APBB1IP: variants seen among roughly 807,000 people sequenced by gnomAD.
APBB1IP encodes amyloid beta A4 precursor protein-binding family B member 1-interacting protein.
Under a neutral mutation model 64.9 loss-of-function variants are expected in APBB1IP, and 27 were observed. The observed-to-expected ratio is 0.42, with a 90% confidence interval of 0.31 to 0.57. The LOEUF is 0.57. Ranked by LOEUF, APBB1IP falls within the 20% of genes least tolerant of loss-of-function variation. The probability of loss-of-function intolerance (pLI) is 0.20; values close to 1 mark genes in which losing one functional copy is unlikely to be tolerated. For missense variants in APBB1IP, 812 were observed against 845.5 expected, an observed-to-expected ratio of 0.96 and a Z score of 0.49; for synonymous variants, 392 against 331.0, an observed-to-expected ratio of 1.18 and a Z score of -2.00.
At chr10:26,503,771 GAT>G (rs1836136390) in intron 6 of APBB1IP, among the ~76,000 whole-genome samples, 1 of 152,230 alleles carries the variant, frequency 6.6e-6, no homozygotes, top group Non-Finnish European at 1.5e-5. Flanking sequence ...GCTCACTTGT[GAT>G]TGATAAATAA....
intron 2 of APBB1IP, among the ~76,000 whole-genome samples, chr10:26,443,543 T>TATTTATTTATTC (rs1455747348): frequency 1.3e-5 from 2 of 150,290 alleles, no homozygotes; most frequent in African/African-American, 2.4e-5. Flanking sequence ...TTTATTTATT[T>TATTTATTTATTC]ATTCATTCAT....
chr10:26,546,104 G>C (rs1360005252), intron 11 of APBB1IP, among the ~76,000 whole-genome samples: 7 of 152,200 alleles, frequency 4.6e-5, no homozygotes, highest in Non-Finnish European at 7.3e-5. Context: ...TAGTAACTGG[G>C]TCACTAATAA....
rs759838553 is a variant in APBB1IP at position 26,501,058 on chromosome 10, G to A, written c.400G>A (p.Asp134Asn). 2.7e-5 allele frequency: 44 copies of A among 1,614,020 alleles called. No individual in the cohort carries two copies. Among genetic ancestry groups the A allele is most frequent in the Admixed American group, 1.0e-4 (6 of 59,996 alleles). Reference protein sequence around the residue: ...YEDDLPPPPADPVLDLPLPPP... With the variant: ...YEDDLPPPPANPVLDLPLPPP... ...GGATGACTTACCACCTCCACCAGCCGATCCTGTGTTAGACCTTCCACTGCC... is the reference window on the plus strand; with the variant it reads ...GGATGACTTACCACCTCCACCAGCCAATCCTGTGTTAGACCTTCCACTGCC... The change falls in exon 5 of 15, where the codon GAT (aspartate) becomes AAT (asparagine). Residue 134 changes from aspartate (D) to asparagine (N), a missense_variant. This residue lies in a region of APBB1IP where 394 missense variants were observed against 413.1 expected (regional missense o/e 0.95). Transcript: ENST00000376236.
At chr10:26,490,315 T>C (rs914278007) in intron 2 of APBB1IP, among the ~76,000 whole-genome samples, 1 of 152,164 alleles carries the variant, frequency 6.6e-6, no homozygotes, top group Non-Finnish European at 1.5e-5. Flanking sequence ...AATAGTATTA[T>C]GTTTATGATT....
intron 8 of APBB1IP, among the ~76,000 whole-genome samples, chr10:26,514,878 CT>C (rs370427476): frequency 6.1e-5 from 9 of 147,406 alleles, no homozygotes; most frequent in Non-Finnish European, 7.5e-5. Flanking sequence ...TTTTTCTTTT[CT>C]TTTTTTTTTG....
At chr10:26,484,295 GTTTGTTTTGT>G (rs58151960) in intron 2 of APBB1IP, among the ~76,000 whole-genome samples, 17 of 151,786 alleles carry the variant, frequency 1.1e-4, no homozygotes, top group African/African-American at 3.2e-4. Context: ...AGGACCACTT[GTTTGTTTTGT>G]TTTGTTTTGT....
chr10:26,439,170 A>G (rs897957839), intron 2 of APBB1IP, among the ~76,000 whole-genome samples: 2 of 152,102 alleles, frequency 1.3e-5, no homozygotes, highest in Non-Finnish European at 2.9e-5. Context: ...TCAAACGGGG[A>G]ACTGCTATGA....
chr10:26,474,961 C>T (rs1228101468), intron 2 of APBB1IP, among the ~76,000 whole-genome samples: 2 of 152,206 alleles, frequency 1.3e-5, no homozygotes, highest in African/African-American at 4.8e-5. Context: ...GCGGAAACGC[C>T]ATCATGTCTA....
chr10:26,478,653 T>C (rs1835803253), intron 2 of APBB1IP, among the ~76,000 whole-genome samples: 1 of 149,448 alleles, frequency 6.7e-6, no homozygotes, highest in Non-Finnish European at 1.5e-5. Context: ...GCACTTGGGC[T>C]GGAGATGTGC....
rs534127723 is a variant in APBB1IP, at chr10:26,536,340, A to G, written c.1044+123A>G. On this transcript the variant is annotated intron_variant, in intron 10 of 14. Coordinates refer to ENST00000376236, the MANE Select transcript of APBB1IP (RefSeq NM_019043.4). The stretch of plus-strand genomic sequence containing the variant: ...GCTGCAGATTCCATAATCCTGCAAC[A>G]TGTATACAAATAGGACAGTATTATT... The G allele has an allele frequency of 3.8e-5, 41 of 1,067,858 alleles. No homozygotes were observed. The African/African-American group carries it at 5.7e-4, about 15-fold the overall frequency. The allele number at this position is 1,067,858 out of a possible 1,614,324, so 66.1% of individuals were successfully genotyped here. A position where few individuals can be genotyped will look rare whatever the true frequency, so the allele number is the denominator to read the frequency against.
At chr10:26,566,372 A>G (rs1210645860) in intron 14 of APBB1IP, among the ~76,000 whole-genome samples, 2 of 152,194 alleles carry the variant, frequency 1.3e-5, no homozygotes, top group African/African-American at 2.4e-5. Context: ...CTTATGCCTT[A>G]GCCACCCCAG....
chr10:26,511,929 G>A, intron 7 of APBB1IP, 23 bp downstream of exon 7: 1 of 1,611,618 alleles, frequency 6.2e-7, no homozygotes, highest in Non-Finnish European at 8.5e-7. Flanking sequence ...CCCAGCAATG[G>A]GCTGTACTCC....
At chr10:26,445,124 AAAGAAAAGAAAGAAAG>A (rs1835378304) in intron 2 of APBB1IP, among the ~76,000 whole-genome samples, 8 of 65,914 alleles carry the variant, frequency 1.2e-4, no homozygotes, top group Non-Finnish European at 2.3e-4. Context: ...AGAAAGAAAG[AAAGAAAAGAAAGAAAG>A]AAAGAAAGAA....
At chr10:26,451,476 A>T (rs1248766064) in intron 2 of APBB1IP, among the ~76,000 whole-genome samples, 9 of 152,196 alleles carry the variant, frequency 5.9e-5, no homozygotes. Flanking sequence ...TTTACTTAAG[A>T]TCTGAGGTAA....
intron 11 of APBB1IP, among the ~76,000 whole-genome samples, chr10:26,558,901 A>G (rs1836930907): frequency 6.6e-6 from 1 of 152,224 alleles, no homozygotes; most frequent in South Asian, 2.1e-4. Flanking sequence ...AGGCCTGTTC[A>G]GCAACCGGAA....
chr10:26,512,024 C>T, intron 7 of APBB1IP, 118 bp downstream of exon 7: 4 of 1,167,030 alleles, frequency 3.4e-6, no homozygotes, highest in Non-Finnish European at 4.7e-6. Flanking sequence ...GACACATGCT[C>T]TCACTATGCT....
At chr10:26,453,724 G>GA (rs1272761589) in intron 2 of APBB1IP, among the ~76,000 whole-genome samples, 6 of 151,782 alleles carry the variant, frequency 4.0e-5, no homozygotes, top group African/African-American at 1.5e-4. Context: ...ATAAGCACAG[G>GA]AAAAAAATGC....
rs1455946959 is a variant in APBB1IP at position 26,524,297 on chromosome 10, G to A, written c.814-9142G>A. Among the ~76,000 whole-genome samples, 7 of 151,998 alleles carry A rather than the reference G, an allele frequency of 4.6e-5. No homozygotes were observed. In the East Asian group the frequency reaches 1.3e-3, roughly 29 times the overall value. On this transcript the variant is annotated intron_variant, in intron 8 of 14. Transcript: ENST00000376236. ...CGGGGGGTAAAGAGTGTCACACAGAGACACAGAAACAAATCAAAATAAACA... is the reference window on the plus strand; with the variant it reads ...CGGGGGGTAAAGAGTGTCACACAGAAACACAGAAACAAATCAAAATAAACA...
At chr10:26,543,382 ACT>A (rs1836721198) in intron 11 of APBB1IP, among the ~76,000 whole-genome samples, 1 of 151,096 alleles carries the variant, frequency 6.6e-6, no homozygotes, top group Non-Finnish European at 1.5e-5. Context: ...CAGGAGAATC[ACT>A]TGAACCCGGG....
Sources: gnomAD v4.1 joint callset for allele counts (sites outside exome capture counted in the v4.1 genomes callset) on GRCh38, gnomAD v4.1.1 for gene constraint, gnomAD v4.1.1 regional missense constraint, MANE v1.5 for transcripts, NCBI Gene and HGNC (gene_info 2026-07-23, HGNC 2026-07-21) for gene names.